The following EYS variants were observed in gnomAD, a reference collection of about 807,000 sequenced individuals.
EYS encodes the protein protein eyes shut homolog.
Under a neutral mutation model 282.1 loss-of-function variants are expected in EYS, and 250 were observed. The observed-to-expected ratio is 0.89, with a 90% CI of 0.80 to 0.98. The LOEUF is 0.98. Ranked by LOEUF, EYS falls within the 50% of genes least tolerant of loss-of-function variation. The pLI, the probability that EYS is intolerant of heterozygous loss-of-function variation, is 0.00. For missense variants in EYS, 4,016 were observed against 3,709.0 expected (o/e 1.08, Z -2.15); for synonymous variants, 1,355 against 1,282.9 (o/e 1.06, Z -1.20).
At chr6:65,360,321 C>T (rs548086334) in intron 8 of EYS, among the ~76,000 whole-genome samples, 1 of 151,776 alleles carries the variant, frequency 6.6e-6, no homozygotes, top group Non-Finnish European at 1.5e-5. Context: ...ATAGTCAAAA[C>T]CTTCTATGGA....
Position 64,807,111 on chromosome 6 carries a change from C to A in EYS, c.3443+6267G>T, listed in dbSNP as rs114440088. Among the ~76,000 whole-genome samples the A allele has an allele frequency of 5.7e-3, 861 of 152,188 alleles. 12 individuals carry two copies. The highest frequency in any genetic ancestry group is 0.02 in the African/African-American group (836 of 41,546). Reference sequence around the variant, plus strand: ...GGATTTCTGAAAGCAGTCATTATTACACTGAACAAAGTCATTAATGTCTTT... The same window carrying A: ...GGATTTCTGAAAGCAGTCATTATTAAACTGAACAAAGTCATTAATGTCTTT... On this transcript the variant is annotated intron_variant, in intron 22 of 42. Transcript: ENST00000503581.
chr6:65,470,926 C>A (rs1352485689), intron 5 of EYS, among the ~76,000 whole-genome samples: 1 of 151,968 alleles, frequency 6.6e-6, no homozygotes, highest in African/African-American at 2.4e-5. Flanking sequence ...ATCATGAGGT[C>A]AGGAGTTTGA....
At chr6:65,526,414 T>G (rs1031659333) in intron 2 of EYS, among the ~76,000 whole-genome samples, 5 of 152,198 alleles carry the variant, frequency 3.3e-5, no homozygotes, top group Admixed American at 3.3e-4. Flanking sequence ...GCCATCACTC[T>G]TCTTATCTCT....
At chr6:63,819,993 T>C (rs72888244) in intron 36 of EYS, among the ~76,000 whole-genome samples, 3 of 152,300 alleles carry the variant, frequency 2.0e-5, no homozygotes, top group Non-Finnish European at 4.4e-5. Context: ...GAAGTACTAC[T>C]TCTTAAGGGA....
At chr6:65,016,484 G>A (rs1772056002) in intron 13 of EYS, among the ~76,000 whole-genome samples, 1 of 152,112 alleles carries the variant, frequency 6.6e-6, no homozygotes, top group South Asian at 2.1e-4. Context: ...TGTTTAAAAT[G>A]TTTAAAGTGA....
chr6:64,570,670 T>C (rs1765695945), intron 26 of EYS, among the ~76,000 whole-genome samples: 1 of 151,588 alleles, frequency 6.6e-6, no homozygotes, highest in South Asian at 2.1e-4. Context: ...CCAACAAAGA[T>C]CAAAAAAGAC....
intron 41 of EYS, among the ~76,000 whole-genome samples, chr6:63,740,608 G>A (rs1382139859): frequency 1.3e-5 from 2 of 152,214 alleles, no homozygotes; most frequent in Non-Finnish European, 2.9e-5. Context: ...GTTTAAAAAT[G>A]TCAGTGTCTC....
At chr6:64,612,608 T>C (rs1321877698) in intron 24 of EYS, among the ~76,000 whole-genome samples, 1 of 152,070 alleles carries the variant, frequency 6.6e-6, no homozygotes, top group East Asian at 1.9e-4. Context: ...TCAGAGATTG[T>C]CATAGCTCTA....
At chr6:64,847,313 T>C (rs1463814805) in intron 19 of EYS, among the ~76,000 whole-genome samples, 1 of 151,822 alleles carries the variant, frequency 6.6e-6, no homozygotes, top group Non-Finnish European at 1.5e-5. Flanking sequence ...ATCCTATTGG[T>C]TCTATTTCTC....
intron 7 of EYS, 105 bp downstream of exon 7, chr6:65,402,373 T>C (rs1766540956): frequency 1.3e-6 from 1 of 796,714 alleles, no homozygotes; most frequent in African/African-American, 1.8e-5. Context: ...TTATATACCA[T>C]TAAGTAAAAG....
intron 22 of EYS, among the ~76,000 whole-genome samples, chr6:64,795,934 A>T (rs7751836): frequency 6.6e-6 from 1 of 151,934 alleles, no homozygotes; most frequent in Admixed American, 6.6e-5. Context: ...AGAAATGGAG[A>T]GAGATGCTTT....
intron 21 of EYS, chr6:64,815,188 T>C (rs1325175033): frequency 4.5e-6 from 2 of 442,936 alleles, no homozygotes; most frequent in South Asian, 1.6e-5. Flanking sequence ...TATGTTTTTA[T>C]AAACAAATCC....
intron 14 of EYS, among the ~76,000 whole-genome samples, chr6:64,950,379 A>G (rs571687054): frequency 9.2e-4 from 140 of 152,078 alleles, no homozygotes; most frequent in Middle Eastern, 3.4e-3. Flanking sequence ...GAGACTATCA[A>G]AACCTAGCTA....
Position 65,405,383 on chromosome 6 carries a change from C to CAAAA in EYS, c.863-17_863-16insTTTT. On this transcript the variant is annotated splice_polypyrimidine_tract_variant and intron_variant, in intron 5 of 42. Coordinates refer to ENST00000503581, the MANE Select transcript of EYS (RefSeq NM_001142800.2). ...CAGAATGGACCTTAAAAAAATCACACACAAGAAAAAAAAAGAAAAGGAAGG... is the reference window on the plus strand; with the variant it reads ...CAGAATGGACCTTAAAAAAATCACACAAAAACAAGAAAAAAAAAGAAAAGGAAGG... 1.4e-6 allele frequency: 2 copies of CAAAA among 1,420,186 alleles called. No individual in the cohort carries two copies. Among genetic ancestry groups the CAAAA allele is most frequent in the Admixed American group, 4.4e-5 (2 of 45,182 alleles). 88.0% of individuals were successfully genotyped at this position (1,420,186 alleles called of 1,614,324 possible).
At chr6:65,349,866 C>T (rs1311322780) in intron 9 of EYS, among the ~76,000 whole-genome samples, 1 of 151,392 alleles carries the variant, frequency 6.6e-6, no homozygotes, top group East Asian at 1.9e-4. Context: ...ATGCATGCGC[C>T]TATACTACAG....
intron 14 of EYS, among the ~76,000 whole-genome samples, chr6:64,949,450 G>C (rs987253753): frequency 6.6e-6 from 1 of 151,840 alleles, no homozygotes; most frequent in Non-Finnish European, 1.5e-5. Context: ...GCAGGTCCTT[G>C]ACACATGGCC....
intron 35 of EYS, among the ~76,000 whole-genome samples, chr6:63,864,881 T>C (rs2149709968): frequency 6.6e-6 from 1 of 152,328 alleles, no homozygotes; most frequent in East Asian, 1.9e-4. Flanking sequence ...AAATATGGTT[T>C]GGTGGCCCCA....
At chr6:65,063,235 G>C (rs1050519962) in intron 12 of EYS, among the ~76,000 whole-genome samples, 1 of 151,718 alleles carries the variant, frequency 6.6e-6, no homozygotes, top group African/African-American at 2.4e-5. Context: ...TATTAAATCT[G>C]GTTATTATTA....
chr6:65,692,903 A>G lies in EYS; in HGVS notation c.-448+14232T>C, dbSNP rs368004137. Among the ~76,000 whole-genome samples the G allele has an allele frequency of 2.7e-5, 4 of 150,256 alleles. No homozygotes were observed. The South Asian group carries it at 6.4e-4, about 24-fold the overall frequency. ...TATATTTTACTTTTTAGAATTTTGGAAATAATAACTGCACCATTACATTGT... is the reference window on the plus strand; with the variant it reads ...TATATTTTACTTTTTAGAATTTTGGGAATAATAACTGCACCATTACATTGT... On this transcript the variant is annotated intron_variant, in intron 1 of 42. Transcript: ENST00000503581.
Sources: gnomAD v4.1 joint callset for allele counts (sites outside exome capture counted in the v4.1 genomes callset) on GRCh38, gnomAD v4.1.1 for gene constraint, MANE v1.5 for transcripts, NCBI Gene and HGNC (gene_info 2026-07-23, HGNC 2026-07-21) for gene names.